The following CNTN4 variants were observed in gnomAD, a reference collection of about 807,000 sequenced individuals.
CNTN4 encodes contactin-4.
In CNTN4, 77 loss-of-function variants were observed where a neutral mutation model predicts 122.5. That is an observed-to-expected ratio of 0.63 (90% confidence interval 0.52 to 0.76). The LOEUF (loss-of-function observed/expected upper bound fraction) is 0.76. Among genes scored for constraint, CNTN4 ranks in the 30% least tolerant of loss-of-function variants. The pLI, the probability that CNTN4 is intolerant of heterozygous loss-of-function variation, is 0.00. For synonymous variants in CNTN4, 512 were observed against 447.0 expected (o/e 1.15, Z -1.83); for missense variants, 1,256 against 1,259.1 (o/e 1.00, Z 0.04).
At position 3,056,129 on chromosome 3, in the gene CNTN4, C is replaced by G. The variant is rs184575174; in HGVS notation, c.2990C>G (p.Ala997Gly). The change falls in exon 25 of 25, where the codon GCG (alanine) becomes GGG (glycine). Residue 997 changes from alanine to glycine, a missense_variant. By Grantham distance (60) the Ala-to-Gly change is moderately conservative. Transcript: ENST00000418658. ...TGTTCTCTCTTTTCAGATGCCTACG[C>G]GAGAGGATCTGGGGCTTCCACTTCG... ...IRIPKISNAY[A>G]RGSGASTSNA... 1 of 1,613,780 alleles carries G rather than the reference C, an allele frequency of 6.2e-7. No individual in the cohort carries two copies. The highest frequency in any genetic ancestry group is 8.5e-7 in the Non-Finnish European group (1 of 1,179,718).
At chr3:2,306,900 TA>T (rs2042729247) in intron 2 of CNTN4, among the ~76,000 whole-genome samples, 1 of 151,584 alleles carries the variant, frequency 6.6e-6, no homozygotes, top group Admixed American at 6.6e-5. Context: ...GAAATTTTTT[TA>T]TTTCATGTTT....
rs186191973 is a variant in CNTN4, at chr3:2,700,434, A to G, written c.56-35781A>G. On this transcript the variant is annotated intron_variant, in intron 4 of 24. Transcript: ENST00000418658. Reference sequence around the variant, plus strand: ...GATTTGGTTTGTAAGCAAATGTGAAATCCAGAGATTTTCATCATTTCCAAC... The same window carrying G: ...GATTTGGTTTGTAAGCAAATGTGAAGTCCAGAGATTTTCATCATTTCCAAC... Among the ~76,000 whole-genome samples, 9 of 152,332 alleles carry G rather than the reference A, an allele frequency of 5.9e-5. No homozygotes were observed. The East Asian group carries it at 1.7e-3, about 29-fold the overall frequency.
intron 2 of CNTN4, among the ~76,000 whole-genome samples, chr3:2,235,277 G>C (rs2039637583): frequency 6.6e-6 from 1 of 152,096 alleles, no homozygotes; most frequent in Non-Finnish European, 1.5e-5. Flanking sequence ...GATTATGCAT[G>C]CTATGATAAC....
At chr3:2,608,936 T>A (rs2081369123) in intron 4 of CNTN4, among the ~76,000 whole-genome samples, 1 of 152,240 alleles carries the variant, frequency 6.6e-6, no homozygotes, top group South Asian at 2.1e-4. Flanking sequence ...CTGATGATGC[T>A]TACAGTCTAT....
chr3:2,435,895 A>C (rs2048242046), intron 3 of CNTN4, among the ~76,000 whole-genome samples: 1 of 152,140 alleles, frequency 6.6e-6, no homozygotes, highest in Non-Finnish European at 1.5e-5. Flanking sequence ...TTCCCTTGTA[A>C]TTAATTTCTG....
chr3:2,807,570 A>G (rs993794412), intron 6 of CNTN4, among the ~76,000 whole-genome samples: 1 of 152,128 alleles, frequency 6.6e-6, no homozygotes, highest in Non-Finnish European at 1.5e-5. Context: ...AGAAGATGGA[A>G]AAGAGAAGAG....
chr3:2,466,036 C>A lies in CNTN4; in HGVS notation c.-88-105380C>A, dbSNP rs920986067. Among the ~76,000 whole-genome samples, 6 of 152,102 alleles carry A rather than the reference C, an allele frequency of 3.9e-5. No individual in the cohort carries two copies. In the South Asian group the frequency reaches 1.2e-3, roughly 32 times the overall value. On this transcript the variant is annotated intron_variant, in intron 3 of 24. Transcript: ENST00000418658. ...TGTAACTGGCTGTCTGTCAAAGATA[C>A]CAGGGAATTCAATCTATTACATGCA... is the stretch of plus-strand genomic sequence containing the variant.
intron 12 of CNTN4, among the ~76,000 whole-genome samples, chr3:2,903,639 T>C (rs761086964): frequency 6.6e-6 from 1 of 152,234 alleles, no homozygotes; most frequent in Non-Finnish European, 1.5e-5. Context: ...TCCATCTTCA[T>C]TGGTGCTTCC....
intron 3 of CNTN4, among the ~76,000 whole-genome samples, chr3:2,466,535 G>A (rs2075503474): frequency 6.6e-6 from 1 of 152,134 alleles, no homozygotes; most frequent in Admixed American, 6.5e-5. Context: ...TAAAAGGACT[G>A]GAATGATTCA....
chr3:2,705,367 CA>C (rs540264724), intron 4 of CNTN4, among the ~76,000 whole-genome samples: 434 of 48,294 alleles, frequency 9.0e-3, no homozygotes, highest in Non-Finnish European at 0.011. Flanking sequence ...GACTCCGTCT[CA>C]AAAAAAAAAA....
chr3:2,873,494 CA>C (rs2093809431), intron 8 of CNTN4, among the ~76,000 whole-genome samples: 1 of 152,186 alleles, frequency 6.6e-6, no homozygotes, highest in Non-Finnish European at 1.5e-5. Context: ...CTACATTCCC[CA>C]CAAACTTCTA....
At chr3:2,196,644 G>C (rs1409218940) in intron 2 of CNTN4, among the ~76,000 whole-genome samples, 1 of 152,096 alleles carries the variant, frequency 6.6e-6, no homozygotes, top group Non-Finnish European at 1.5e-5. Context: ...ATATAGACAA[G>C]GGATCTTGCT....
chr3:2,208,465 C>G (rs1284144393), intron 2 of CNTN4, among the ~76,000 whole-genome samples: 2 of 152,034 alleles, frequency 1.3e-5, no homozygotes, highest in East Asian at 3.9e-4. Context: ...GATGAGCAAA[C>G]AAAGTGATTT....
intron 23 of CNTN4, among the ~76,000 whole-genome samples, chr3:3,050,862 C>A (rs11920374): frequency 0.3 from 45,399 of 151,396 alleles, 7,513 homozygotes; most frequent in East Asian, 0.56. Flanking sequence ...GCAATTGCTT[C>A]ACATCTCCAC....
intron 4 of CNTN4, among the ~76,000 whole-genome samples, chr3:2,665,603 A>G (rs2084114508): frequency 6.6e-6 from 1 of 152,108 alleles, no homozygotes; most frequent in Non-Finnish European, 1.5e-5. Flanking sequence ...GGGTGAAAAA[A>G]TTGGACATCT....
At chr3:2,256,246 AGTC>A (rs1226938440) in intron 2 of CNTN4, among the ~76,000 whole-genome samples, 1 of 152,236 alleles carries the variant, frequency 6.6e-6, no homozygotes, top group Non-Finnish European at 1.5e-5. Context: ...ACCAGGAAGA[AGTC>A]AAATCTCTGA....
chr3:2,330,398 A>G (rs563870819), intron 2 of CNTN4, among the ~76,000 whole-genome samples: 1 of 152,142 alleles, frequency 6.6e-6, no homozygotes, highest in African/African-American at 2.4e-5. Context: ...GGTTGAGTCA[A>G]CCTTCAGCCC....
At chr3:2,113,569 G>A (rs1290711453) in intron 2 of CNTN4, among the ~76,000 whole-genome samples, 1 of 152,090 alleles carries the variant, frequency 6.6e-6, no homozygotes, top group African/African-American at 2.4e-5. Flanking sequence ...TCCCTGCTAC[G>A]AAGCCTAAAT....
At chr3:2,693,302 A>G (rs371694749) in intron 4 of CNTN4, among the ~76,000 whole-genome samples, 3 of 152,328 alleles carry the variant, frequency 2.0e-5, no homozygotes, top group East Asian at 3.9e-4. Context: ...ATATCAAGAT[A>G]TAGAACAGAG....
Sources: gnomAD v4.1 joint callset for allele counts (sites outside exome capture counted in the v4.1 genomes callset) on GRCh38, gnomAD v4.1.1 for gene constraint, MANE v1.5 for transcripts, NCBI Gene and HGNC (gene_info 2026-07-23, HGNC 2026-07-21) for gene names.